The following KCNIP3 variants were observed in gnomAD, a reference collection of about 807,000 sequenced individuals.
The protein encoded by KCNIP3 is calsenilin.
A neutral mutation model predicts 35.0 loss-of-function variants in KCNIP3; 28 were observed. That is an observed-to-expected ratio of 0.80 (90% CI 0.59 to 1.10). KCNIP3 has a LOEUF of 1.10. KCNIP3 is among the 50% of genes least tolerant of loss of function. KCNIP3 has a pLI of 0.00. For synonymous variants in KCNIP3, 134 were observed against 133.8 expected (o/e 1.00, Z -0.01); for missense variants, 295 against 338.4 (o/e 0.87, Z 1.01).
intron 1 of KCNIP3, among the ~76,000 whole-genome samples, chr2:95,303,756 A>G (rs1573477091): frequency 6.6e-6 from 1 of 152,242 alleles, no homozygotes; most frequent in South Asian, 2.1e-4. Flanking sequence ...GTGCCCTGCC[A>G]GGAGGATGCT....
At chr2:95,326,606 C>T (rs13392201) in intron 2 of KCNIP3, among the ~76,000 whole-genome samples, 20,832 of 152,262 alleles carry the variant, frequency 0.14, 1,864 homozygotes, top group African/African-American at 0.25. Flanking sequence ...GCGGTGGGAA[C>T]GCCCATGGTG....
At chr2:95,321,156 C>T (rs1269710290) in intron 2 of KCNIP3, among the ~76,000 whole-genome samples, 10 of 151,968 alleles carry the variant, frequency 6.6e-5, no homozygotes, top group Admixed American at 2.0e-4. Context: ...CTTTCCTCCC[C>T]GGCACCCCCA....
intron 2 of KCNIP3, among the ~76,000 whole-genome samples, chr2:95,318,169 C>A (rs968931357): frequency 6.6e-6 from 1 of 152,126 alleles, no homozygotes; most frequent in Admixed American, 6.5e-5. Flanking sequence ...AGCCTGGGAT[C>A]CCCCACTCAT....
At chr2:95,361,833 G>T (rs545378715) in intron 2 of KCNIP3, among the ~76,000 whole-genome samples, 5 of 152,160 alleles carry the variant, frequency 3.3e-5, no homozygotes, top group African/African-American at 1.2e-4. Flanking sequence ...TCCCTGCTGC[G>T]GTCACCCTGT....
At chr2:95,371,805 T>C (rs1680047671) in intron 2 of KCNIP3, among the ~76,000 whole-genome samples, 1 of 146,482 alleles carries the variant, frequency 6.8e-6, no homozygotes, top group Admixed American at 7.1e-5. Flanking sequence ...TTATTTTAAA[T>C]CTTTTTTTTT....
At chr2:95,368,443 A>G (rs189217139) in intron 2 of KCNIP3, 11 of 170,130 alleles carry the variant, frequency 6.5e-5, no homozygotes, top group African/African-American at 2.4e-4. Flanking sequence ...TGCCGGGGTG[A>G]TGGGTGCACC....
intron 2 of KCNIP3, among the ~76,000 whole-genome samples, chr2:95,370,680 A>G (rs1235992884): frequency 1.3e-5 from 2 of 152,086 alleles, no homozygotes; most frequent in African/African-American, 4.8e-5. Flanking sequence ...TATACTGGAG[A>G]TATGTTTTTC....
At chr2:95,324,519 AATAG>A (rs1433191458) in intron 2 of KCNIP3, among the ~76,000 whole-genome samples, 2 of 143,120 alleles carry the variant, frequency 1.4e-5, no homozygotes, top group South Asian at 2.2e-4. Flanking sequence ...TCTCAAAATA[AATAG>A]ATAAATAAAT....
chr2:95,323,421 G>A (rs914575760), intron 2 of KCNIP3, among the ~76,000 whole-genome samples: 2 of 152,210 alleles, frequency 1.3e-5, no homozygotes, highest in African/African-American at 4.8e-5. Flanking sequence ...TGCGGTGGCA[G>A]AGAGGGCAGT....
At chr2:95,317,169 C>T (rs1167600345) in intron 2 of KCNIP3, among the ~76,000 whole-genome samples, 4 of 152,188 alleles carry the variant, frequency 2.6e-5, no homozygotes, top group Admixed American at 6.5e-5. Context: ...GGCCCTGAGC[C>T]TCCTAGGCAG....
chr2:95,346,486 G>GCGGGGGGGCCGCAGGGACGCCTCC (rs1679366624), intron 2 of KCNIP3, among the ~76,000 whole-genome samples: 1 of 149,936 alleles, frequency 6.7e-6, no homozygotes, highest in African/African-American at 2.4e-5. Context: ...CCGGGCAGGC[G>GCGGGGGGGCCGCAGGGACGCCTCC]CGGGGGGGCC....
Position 95,359,553 on chromosome 2 carries a change from C to T in KCNIP3, c.182-14743C>T, listed in dbSNP as rs531174113. ...CCAGGTTGATGTTGCTAGCCGGTCACGCTGGTAGCTCTGCAGTCTCAAGGG... is the reference window on the plus strand; with the variant it reads ...CCAGGTTGATGTTGCTAGCCGGTCATGCTGGTAGCTCTGCAGTCTCAAGGG... On this transcript the variant is annotated intron_variant, in intron 2 of 8. Coordinates refer to ENST00000295225, the MANE Select transcript of KCNIP3 (RefSeq NM_013434.5). Among the ~76,000 whole-genome samples, 5 of 152,320 alleles carry T rather than the reference C, an allele frequency of 3.3e-5. No homozygotes were observed. The East Asian group carries it at 5.8e-4, about 18-fold the overall frequency.
At chr2:95,310,224 G>T in intron 1 of KCNIP3, 131 bp from the exon 2 acceptor site, 1 of 1,070,084 alleles carries the variant, frequency 9.3e-7, no homozygotes, top group Non-Finnish European at 1.4e-6. Flanking sequence ...CACTAGGCAT[G>T]CAGCCCCGGA....
chr2:95,325,076 G>A (rs1678702935), intron 2 of KCNIP3, among the ~76,000 whole-genome samples: 1 of 152,208 alleles, frequency 6.6e-6, no homozygotes, highest in African/African-American at 2.4e-5. Flanking sequence ...AGAGGACAGG[G>A]ACAGCGTGAG....
chr2:95,297,598 T>A, intron 1 of KCNIP3, 145 bp downstream of exon 1: 1 of 702,582 alleles, frequency 1.4e-6, no homozygotes, highest in Non-Finnish European at 2.4e-6. Context: ...AAGTGAGCGT[T>A]GGGGCGTCCT....
chr2:95,297,443 A>T lies in KCNIP3; in HGVS notation c.5A>T (p.Gln2Leu), dbSNP rs1677890798. 3.8e-6 allele frequency: 5 copies of T among 1,327,710 alleles called. No individual in the cohort carries two copies. In the South Asian group the frequency reaches 6.2e-5, roughly 16 times the overall value. The allele number at this position is 1,327,710 out of a possible 1,614,324, so 82.2% of individuals were successfully genotyped here. ...CAGTTTTCTTCAGCGCCCAGGATGC[A>T]GCCGGCTAAGGTAGGTGCTGGGGGA... M[Q>L]PAKEVTKASD... Residue 2 changes from glutamine (Q) to leucine (L), a missense_variant, in exon 1 of 9, where the codon CAG (glutamine) becomes CTG (leucine). Gln to Leu is a moderately radical substitution (Grantham distance 113). Transcript: ENST00000295225.
chr2:95,307,172 C>G (rs1678198566), intron 1 of KCNIP3, among the ~76,000 whole-genome samples: 1 of 152,208 alleles, frequency 6.6e-6, no homozygotes, highest in African/African-American at 2.4e-5. Flanking sequence ...GATGGAGGAG[C>G]CTGGCCCGGA....
At chr2:95,321,429 T>C (rs1457988650) in intron 2 of KCNIP3, among the ~76,000 whole-genome samples, 1 of 152,084 alleles carries the variant, frequency 6.6e-6, no homozygotes, top group African/African-American at 2.4e-5. Flanking sequence ...GAGACAAGTC[T>C]GGGGTGCAGT....
intron 2 of KCNIP3, among the ~76,000 whole-genome samples, chr2:95,334,330 G>A (rs1216270879): frequency 6.6e-6 from 1 of 152,174 alleles, no homozygotes; most frequent in Non-Finnish European, 1.5e-5. Flanking sequence ...GCATGGGCAT[G>A]TGTGCACCTG....
Sources: allele counts gnomAD v4.1 joint callset (sites outside exome capture counted in the v4.1 genomes callset), GRCh38; gene constraint gnomAD v4.1.1; transcripts MANE v1.5; gene names NCBI Gene and HGNC (gene_info 2026-07-23, HGNC 2026-07-21).